The following SAMD5 variants were observed in gnomAD, a reference collection of about 807,000 sequenced individuals.
The protein encoded by SAMD5 is sterile alpha motif domain containing 5.
SAMD5 carries 13 observed loss-of-function variants against 11.3 expected under a neutral mutation model. That is an observed-to-expected ratio of 1.15 (90% confidence interval 0.75 to 1.83). SAMD5 has a LOEUF of 1.83. Ranked by LOEUF, SAMD5 falls within the 40% of genes most tolerant of loss-of-function variation. The pLI, the probability that SAMD5 is intolerant of heterozygous loss-of-function variation, is 0.00. For synonymous variants in SAMD5, 129 were observed against 111.3 expected (o/e 1.16, Z -1.00); for missense variants, 255 against 239.1 (o/e 1.07, Z -0.44).
chr6:147,864,524 T>C, the SAMD5 span, among the ~76,000 whole-genome samples: 3 of 152,246 alleles, frequency 2.0e-5, no homozygotes, highest in African/African-American at 7.2e-5. Flanking sequence ...TTGGGGGAGA[T>C]CTTAGAATAC....
the SAMD5 span, among the ~76,000 whole-genome samples, chr6:147,926,708 G>A: frequency 1.3e-5 from 2 of 152,008 alleles, no homozygotes; most frequent in African/African-American, 4.8e-5. Flanking sequence ...GTTTGCTTTT[G>A]TTGCAATTGC....
At chr6:147,807,913 A>T in the SAMD5 span, among the ~76,000 whole-genome samples, 2 of 152,246 alleles carry the variant, frequency 1.3e-5, no homozygotes, top group East Asian at 1.9e-4. Flanking sequence ...CTTCTGTTAG[A>T]TAGTATCTAA....
intron 1 of SAMD5, among the ~76,000 whole-genome samples, chr6:147,578,024 G>T (rs1789243329): frequency 6.6e-6 from 1 of 152,060 alleles, no homozygotes; most frequent in Non-Finnish European, 1.5e-5. Context: ...TTAGGAACAA[G>T]GCAAAGCTTC....
At chr6:147,916,854 A>T in the SAMD5 span, among the ~76,000 whole-genome samples, 1 of 150,308 alleles carries the variant, frequency 6.7e-6, no homozygotes, top group African/African-American at 2.5e-5. Context: ...ATGATTTCCA[A>T]TTTCATCCAT....
At chr6:147,909,577 TTTC>T in the SAMD5 span, among the ~76,000 whole-genome samples, 1 of 57,766 alleles carries the variant, frequency 1.7e-5, no homozygotes, top group Non-Finnish European at 3.0e-5. Flanking sequence ...TCTTTCTTTC[TTTC>T]TTTCTTTCTT....
At chr6:147,793,236 C>A in the SAMD5 span, among the ~76,000 whole-genome samples, 3,072 of 152,166 alleles carry the variant, frequency 0.02, 62 homozygotes, top group Non-Finnish European at 0.032. Flanking sequence ...CTTATCCCCC[C>A]CAAATCCATA....
chr6:147,553,308 T>C (rs1316306291), intron 1 of SAMD5, among the ~76,000 whole-genome samples: 1 of 152,176 alleles, frequency 6.6e-6, no homozygotes, highest in Non-Finnish European at 1.5e-5. Context: ...AGCAGATCCC[T>C]TGCCCTGTCC....
the SAMD5 span, among the ~76,000 whole-genome samples, chr6:147,747,522 T>C: frequency 0.012 from 1,765 of 152,316 alleles, 33 homozygotes; most frequent in African/African-American, 0.041. Flanking sequence ...AAACCTGTCT[T>C]TTTGTTTTTT....
chr6:147,511,447 G>A (rs1201234444), intron 1 of SAMD5, among the ~76,000 whole-genome samples: 1 of 152,170 alleles, frequency 6.6e-6, no homozygotes, highest in East Asian at 1.9e-4. Flanking sequence ...TACTTTCCAT[G>A]TAAATAATTA....
At chr6:147,816,155 C>G in the SAMD5 span, among the ~76,000 whole-genome samples, 2 of 150,316 alleles carry the variant, frequency 1.3e-5, no homozygotes, top group Admixed American at 1.3e-4. Flanking sequence ...TGGCGCGCGC[C>G]TGTAATCTTA....
chr6:147,621,970 T>A lies in SAMD5; in HGVS notation c.162+112583T>A, dbSNP rs559318508. Among the ~76,000 whole-genome samples the A allele has an allele frequency of 6.6e-5, 10 of 152,290 alleles. No homozygotes were observed. In the South Asian group the frequency reaches 1.9e-3, roughly 28 times the overall value. ...GAACGGATAAAATGATTCTCAGGAA[T>A]GTGAAAAGGGAGGAGGAACACGTGA... On this transcript the variant is annotated intron_variant, in intron 1 of 1. Transcript: ENST00000566741.
chr6:147,862,155 G>GT, the SAMD5 span, among the ~76,000 whole-genome samples: 26 of 149,502 alleles, frequency 1.7e-4, no homozygotes, highest in Non-Finnish European at 2.4e-4. Flanking sequence ...TTCTTGTTTA[G>GT]TTTTTTTTTT....
chr6:147,826,344 A>T, the SAMD5 span, among the ~76,000 whole-genome samples: 17 of 152,192 alleles, frequency 1.1e-4, no homozygotes, highest in African/African-American at 3.1e-4. Flanking sequence ...AGTGTGGTGA[A>T]GTAACCCTCA....
At chr6:147,932,627 TG>T in the SAMD5 span, among the ~76,000 whole-genome samples, 1 of 128,628 alleles carries the variant, frequency 7.8e-6, no homozygotes, top group Non-Finnish European at 1.6e-5. Context: ...TGTGTGTGTG[TG>T]TGTGTGTGTG....
At chr6:147,945,158 C>CA in the SAMD5 span, among the ~76,000 whole-genome samples, 6 of 152,138 alleles carry the variant, frequency 3.9e-5, no homozygotes, top group African/African-American at 1.4e-4. Flanking sequence ...TGAACTTTCC[C>CA]ACCTCTTTGC....
intron 1 of SAMD5, among the ~76,000 whole-genome samples, chr6:147,641,623 A>C (rs1480950715): frequency 6.7e-6 from 1 of 150,180 alleles, no homozygotes. Flanking sequence ...TATTCTCATA[A>C]GTTTTCAAAA....
intron 1 of SAMD5, among the ~76,000 whole-genome samples, chr6:147,555,663 A>G (rs1396354854): frequency 1.3e-5 from 2 of 152,238 alleles, no homozygotes; most frequent in Non-Finnish European, 2.9e-5. Flanking sequence ...CCAATACATG[A>G]TACCATAAAA....
intron 1 of SAMD5, among the ~76,000 whole-genome samples, chr6:147,631,592 G>T (rs980132562): frequency 6.6e-6 from 1 of 152,160 alleles, no homozygotes; most frequent in African/African-American, 2.4e-5. Context: ...AGGTGGGAAG[G>T]CCAAACCGAG....
chr6:147,630,983 G>C lies in SAMD5; in HGVS notation c.163-106334G>C, dbSNP rs1002039678. Among the ~76,000 whole-genome samples, 3 of 151,586 alleles carry C rather than the reference G, an allele frequency of 2.0e-5. No homozygotes were observed. In the South Asian group the frequency reaches 6.3e-4, roughly 32 times the overall value. On this transcript the variant is annotated intron_variant, in intron 1 of 1. Transcript: ENST00000566741. ...TGTTTCAGAGGTGTCTGATCACCGC[G>C]GGGACACCTGCCTTGATCCTTCACC...
Sources: allele counts gnomAD v4.1 joint callset (sites outside exome capture counted in the v4.1 genomes callset), GRCh38; gene constraint gnomAD v4.1.1; transcripts MANE v1.5; gene names NCBI Gene and HGNC (gene_info 2026-07-23, HGNC 2026-07-21).